The following FAM151B variants were observed in gnomAD, a reference collection of about 807,000 sequenced individuals.
FAM151B encodes the protein family with sequence similarity 151 member B.
FAM151B carries 24 observed loss-of-function variants against 31.2 expected under a neutral mutation model. The observed-to-expected ratio is 0.77, with a 90% CI of 0.56 to 1.08. The LOEUF (loss-of-function observed/expected upper bound fraction) is 1.08, where lower values mean the gene tolerates loss of function less well. FAM151B is among the 50% of genes least tolerant of loss of function. The pLI, the probability that FAM151B is intolerant of heterozygous loss-of-function variation, is 0.00. For synonymous variants in FAM151B, 105 were observed against 111.4 expected (o/e 0.94, Z 0.36); for missense variants, 293 against 328.6 (o/e 0.89, Z 0.84).
intron 5 of FAM151B, among the ~76,000 whole-genome samples, chr5:80,523,907 G>A (rs757114215): frequency 3.9e-5 from 6 of 152,114 alleles, no homozygotes; most frequent in Non-Finnish European, 8.8e-5. Flanking sequence ...GGCAACCCTC[G>A]TTGTTAAAGT....
chr5:80,541,939 C>A lies in FAM151B; in HGVS notation c.*107C>A. On this transcript the variant is annotated 3_prime_UTR_variant, in exon 6 of 6. Coordinates refer to ENST00000282226, the MANE Select transcript of FAM151B (RefSeq NM_205548.3). ...ATGGTTATTGATTGACGTTCCAAGT[C>A]ATCTAATCAAGAAACGTTTATTGTA... is the stretch of plus-strand genomic sequence containing the variant. The A allele has an allele frequency of 8.2e-7, 1 of 1,220,726 alleles. No individual in the cohort carries two copies. Among genetic ancestry groups the A allele is most frequent in the Non-Finnish European group, 1.1e-6 (1 of 886,360 alleles). 75.6% of individuals were successfully genotyped at this position (1,220,726 alleles called of 1,614,324 possible).
chr5:80,493,789 A>T (rs1743404705), intron 1 of FAM151B, among the ~76,000 whole-genome samples: 2 of 152,168 alleles, frequency 1.3e-5, no homozygotes, highest in South Asian at 4.1e-4. Flanking sequence ...TATCAAGACA[A>T]TATGTGCACA....
chr5:80,516,804 T>C (rs1744464672), intron 3 of FAM151B, among the ~76,000 whole-genome samples: 2 of 152,234 alleles, frequency 1.3e-5, no homozygotes, highest in South Asian at 4.1e-4. Flanking sequence ...ATACATGCAA[T>C]ATTGAGTCTT....
intron 1 of FAM151B, chr5:80,498,514 A>G: frequency 1.2e-6 from 1 of 865,366 alleles, no homozygotes. Flanking sequence ...CATGTCTTTT[A>G]TTAACTCATA....
In FAM151B at chr5:80,494,504, C is replaced by CTT. The variant is rs1487475963; in HGVS notation, c.25+6358_25+6359dup. On this transcript the variant is annotated intron_variant, in intron 1 of 5. Transcript: ENST00000282226. ...TCTTTCTTTCTTTCTTTCTTTCTTTCTTTCTTTCTTTCTTTCTTTCTTTTT... is the reference window on the plus strand; with the variant it reads ...TCTTTCTTTCTTTCTTTCTTTCTTTCTTTTTCTTTCTTTCTTTCTTTCTTTTT... 1.1e-3 allele frequency among the ~76,000 whole-genome samples: 156 copies of CTT among 142,758 alleles called. 1 individual carries two copies. The highest frequency in any genetic ancestry group is 3.3e-3 in the African/African-American group (124 of 37,048). The allele number at this position is 142,758 out of a possible 152,430, so 93.7% of individuals were successfully genotyped here.
At chr5:80,489,651 G>T (rs561393689) in intron 1 of FAM151B, among the ~76,000 whole-genome samples, 2 of 152,228 alleles carry the variant, frequency 1.3e-5, no homozygotes, top group Non-Finnish European at 2.9e-5. Flanking sequence ...TGGGCCGGGC[G>T]CGGTGACTCA....
chr5:80,494,456 T>TTTCTTTCTTTTCTTTCTTTCTTTC (rs753640131), intron 1 of FAM151B, among the ~76,000 whole-genome samples: 8 of 82,750 alleles, frequency 9.7e-5, no homozygotes, highest in African/African-American at 2.2e-4. Flanking sequence ...TCTTTCTTTC[T>TTTCTTTCTTTTCTTTCTTTCTTTC]TTTCTTTCTT....
intron 1 of FAM151B, chr5:80,500,348 G>A: frequency 3.0e-6 from 3 of 1,005,132 alleles, no homozygotes; most frequent in South Asian, 2.5e-5. Context: ...GGGTGTAGAA[G>A]AGAAAGAGAA....
rs1019572162 is a variant in FAM151B, at chr5:80,542,042, C to T, written c.*210C>T. ...TGGAAAGAAGAGATTTATTTACACACGTGGCCTAGTCTAATAATAATTCAG... is the reference window on the plus strand; with the variant it reads ...TGGAAAGAAGAGATTTATTTACACATGTGGCCTAGTCTAATAATAATTCAG... On this transcript the variant is annotated 3_prime_UTR_variant, in exon 6 of 6. Coordinates refer to ENST00000282226, the MANE Select transcript of FAM151B (RefSeq NM_205548.3). The T allele has an allele frequency of 5.8e-6, 3 of 513,114 alleles. No individual in the cohort carries two copies. The highest frequency in any genetic ancestry group is 1.0e-5 in the Non-Finnish European group (3 of 294,314). The allele number at this position is 513,114 out of a possible 1,614,324, so 31.8% of individuals were successfully genotyped here. A position where few individuals can be genotyped will look rare whatever the true frequency, so the allele number is the denominator to read the frequency against.
chr5:80,515,667 A>G (rs1744408476), intron 3 of FAM151B, among the ~76,000 whole-genome samples: 1 of 152,250 alleles, frequency 6.6e-6, no homozygotes, highest in Admixed American at 6.5e-5. Context: ...TTAAAGTCAT[A>G]ACATATTTGA....
intron 2 of FAM151B, chr5:80,510,994 A>G (rs1024668199): frequency 2.6e-5 from 4 of 152,252 alleles, no homozygotes; most frequent in Non-Finnish European, 5.9e-5. Flanking sequence ...TGATCTGCAT[A>G]TAAGTGCATG....
chr5:80,530,687 A>C (rs1317947752), intron 5 of FAM151B, among the ~76,000 whole-genome samples: 1 of 152,202 alleles, frequency 6.6e-6, no homozygotes, highest in East Asian at 1.9e-4. Context: ...AAAGGATGTG[A>C]AGGACCTCTT....
At chr5:80,506,222 A>G (rs1002844402) in intron 2 of FAM151B, 6 of 532,846 alleles carry the variant, frequency 1.1e-5, no homozygotes, top group African/African-American at 2.1e-5. Context: ...ACTGGGCTCA[A>G]TTAGACTCAA....
intron 3 of FAM151B, among the ~76,000 whole-genome samples, chr5:80,518,089 A>AC (rs1273170948): frequency 6.6e-6 from 1 of 151,684 alleles, no homozygotes; most frequent in East Asian, 1.9e-4. Flanking sequence ...AAAAAAAAAA[A>AC]AAAAAGAAAC....
chr5:80,489,706 C>T (rs1275141954), intron 1 of FAM151B, among the ~76,000 whole-genome samples: 2 of 152,146 alleles, frequency 1.3e-5, no homozygotes, highest in African/African-American at 4.8e-5. Context: ...GGGCGGATCA[C>T]GAGGTCAGGA....
At chr5:80,504,999 T>A (rs932217516) in intron 2 of FAM151B, among the ~76,000 whole-genome samples, 1 of 152,066 alleles carries the variant, frequency 6.6e-6, no homozygotes, top group Non-Finnish European at 1.5e-5. Flanking sequence ...GTATCTGCCC[T>A]CCCCCTGGCG....
intron 2 of FAM151B, among the ~76,000 whole-genome samples, chr5:80,512,967 G>C (rs556867325): frequency 7.2e-4 from 109 of 152,064 alleles, no homozygotes; most frequent in African/African-American, 2.4e-3. Context: ...GGGAATTACG[G>C]CCCCAACCCA....
intron 2 of FAM151B, among the ~76,000 whole-genome samples, chr5:80,506,535 G>A (rs963231172): frequency 2.0e-5 from 3 of 152,148 alleles, no homozygotes; most frequent in African/African-American, 7.2e-5. Flanking sequence ...GAAGCATCCA[G>A]TAGATCTATG....
Position 80,513,756 on chromosome 5 carries a change from C to G in FAM151B, c.304C>G (p.Leu102Val), listed in dbSNP as rs745381322. 6.2e-7 allele frequency: 1 copy of G among 1,609,630 alleles called. No individual in the cohort carries two copies. The highest frequency in any genetic ancestry group is 1.1e-5 in the South Asian group (1 of 89,888). ...EVMKSNKGIK[L>V]DFKSLAVVEP... is the part of the protein sequence containing the mutation. ...TATGAAAAGCAATAAAGGCATCAAG[C>G]TGGATTTCAAAAGGTATTTGTATAA... The change falls in exon 3 of 6, where the codon CTG (leucine) becomes GTG (valine). Residue 102 changes from leucine (L) to valine (V), a missense_variant. Leu to Val is a conservative substitution (Grantham distance 32, BLOSUM62 1). Coordinates refer to ENST00000282226, the MANE Select transcript of FAM151B (RefSeq NM_205548.3).
Sources: gnomAD v4.1 joint callset for allele counts (sites outside exome capture counted in the v4.1 genomes callset) on GRCh38, gnomAD v4.1.1 for gene constraint, MANE v1.5 for transcripts, NCBI Gene and HGNC (gene_info 2026-07-23, HGNC 2026-07-21) for gene names.